Variants in RNF130 observed in about 807,000 individuals in gnomAD.
RNF130 encodes the protein E3 ubiquitin-protein ligase RNF130.
Under a neutral mutation model 44.6 loss-of-function variants are expected in RNF130, and 21 were observed. The observed-to-expected ratio is 0.47, with a 90% CI of 0.33 to 0.68. The LOEUF is 0.68. RNF130 is among the 30% of genes least tolerant of loss of function. The pLI, the probability that RNF130 is intolerant of heterozygous loss-of-function variation, is 0.02. For synonymous variants in RNF130, 214 were observed against 210.4 expected, an observed-to-expected ratio of 1.02 and a Z score of -0.15; for missense variants, 479 against 560.6, an observed-to-expected ratio of 0.85 and a Z score of 1.47.
intron 7 of RNF130, among the ~76,000 whole-genome samples, chr5:179,965,387 T>A (rs907655994): frequency 6.6e-6 from 1 of 152,196 alleles, no homozygotes; most frequent in Non-Finnish European, 1.5e-5. Flanking sequence ...CACGTGGGTT[T>A]TATTTATTAA....
intron 2 of RNF130, among the ~76,000 whole-genome samples, chr5:180,028,769 T>G (rs1764052911): frequency 1.3e-5 from 2 of 152,340 alleles, no homozygotes; most frequent in South Asian, 4.1e-4. Context: ...AATCGATACC[T>G]GTTGATTAAC....
intron 7 of RNF130, among the ~76,000 whole-genome samples, chr5:179,936,529 A>C (rs1761893433): frequency 6.6e-6 from 1 of 152,116 alleles, no homozygotes; most frequent in South Asian, 2.1e-4. Flanking sequence ...ACACCTAGCC[A>C]ACTTTATTTT....
chr5:179,920,163 G>C, exon 8 of RNF130: 3 of 562,668 alleles, frequency 5.3e-6, no homozygotes, highest in Non-Finnish European at 9.6e-6. Context: ...CACCTTGGGG[G>C]AACTTTGCAA....
intron 3 of RNF130, among the ~76,000 whole-genome samples, chr5:179,993,463 T>C (rs1353004629): frequency 2.0e-5 from 3 of 152,264 alleles, no homozygotes; most frequent in Non-Finnish European, 4.4e-5. Context: ...TTTGCATTTC[T>C]CTGATGGCCA....
At chr5:180,039,994 CAG>C (rs1400530886) in intron 2 of RNF130, among the ~76,000 whole-genome samples, 1 of 152,184 alleles carries the variant, frequency 6.6e-6, no homozygotes, top group African/African-American at 2.4e-5. Context: ...ATTAAACAAT[CAG>C]AAATATCCTA....
chr5:180,021,208 T>A (rs1363043951), intron 2 of RNF130, among the ~76,000 whole-genome samples: 1 of 152,112 alleles, frequency 6.6e-6, no homozygotes, highest in Non-Finnish European at 1.5e-5. Context: ...TAGGATGGTC[T>A]TGATCACCTG....
intron 2 of RNF130, among the ~76,000 whole-genome samples, chr5:180,019,383 C>CA (rs56691249): frequency 0.14 from 15,330 of 111,636 alleles, 1,765 homozygotes; most frequent in African/African-American, 0.34. Flanking sequence ...GACTCTGTCT[C>CA]AAAAAAAAAA....
chr5:179,924,744 G>T (rs1325450286), intron 7 of RNF130, among the ~76,000 whole-genome samples: 1 of 152,130 alleles, frequency 6.6e-6, no homozygotes, highest in African/African-American at 2.4e-5. Context: ...AGCCAAGATG[G>T]TGCCACTGCA....
chr5:179,917,340 A>ACAG (rs1761566292), exon 8 of RNF130: 1 of 152,406 alleles, frequency 6.6e-6, no homozygotes, highest in Non-Finnish European at 1.5e-5. Context: ...GGCCCAGCTC[A>ACAG]CAGCAGTCCA....
intron 3 of RNF130, among the ~76,000 whole-genome samples, chr5:180,006,570 T>A (rs904442596): frequency 6.6e-6 from 1 of 152,214 alleles, no homozygotes; most frequent in African/African-American, 2.4e-5. Context: ...AAAAAGCACA[T>A]GCATTTTCAC....
In RNF130 at chr5:179,935,998, CAT is replaced by C. The variant is rs879385916; in HGVS notation, c.1151-15574_1151-15573del. ...CATCGAGCAGCACTTAGGTTACCCA[CAT>C]GTGTCTCCTTTCTGCTCTTTACTCT... On this transcript the variant is annotated intron_variant, in intron 7 of 7. Transcript: ENST00000522208. Among the ~76,000 whole-genome samples, 25 of 152,234 alleles carry C rather than the reference CAT, an allele frequency of 1.6e-4. 1 individual carries two copies. The highest frequency in any genetic ancestry group is 1.4e-3 in the Admixed American group (21 of 15,280).
intron 7 of RNF130, chr5:179,964,269 C>G (rs1281816815): frequency 6.6e-6 from 1 of 152,274 alleles, no homozygotes; most frequent in South Asian, 2.1e-4. Flanking sequence ...AGCTGAAAAC[C>G]TCTGGTGCTT....
intron 3 of RNF130, among the ~76,000 whole-genome samples, chr5:179,985,304 TATA>T (rs565639988): frequency 1.8e-4 from 28 of 152,258 alleles, no homozygotes; most frequent in African/African-American, 5.1e-4. Flanking sequence ...TGGCATTTCC[TATA>T]ATAATAATGA....
chr5:180,014,001 T>C (rs1179483878), intron 2 of RNF130, among the ~76,000 whole-genome samples: 1 of 152,216 alleles, frequency 6.6e-6, no homozygotes, highest in East Asian at 1.9e-4. Context: ...GGCTCCTTGC[T>C]AGTTTACCCC....
intron 3 of RNF130, among the ~76,000 whole-genome samples, chr5:179,985,871 G>T (rs1174915338): frequency 6.6e-6 from 1 of 152,060 alleles, no homozygotes; most frequent in South Asian, 2.1e-4. Flanking sequence ...TTAAAAATCC[G>T]TTCACAAAAA....
At position 180,009,955 on chromosome 5, in the gene RNF130, G is replaced by A. The variant is rs552275796; in HGVS notation, c.693+3106C>T. On this transcript the variant is annotated intron_variant, in intron 3 of 8. Transcript: ENST00000521389. ...AAATGACTGATACACATAACAACTT[G>A]AAAGTATCTTGGCCGGGCGCAGTGG... Among the ~76,000 whole-genome samples, 106 of 151,940 alleles carry A rather than the reference G, an allele frequency of 7.0e-4. 1 individual carries two copies. Among genetic ancestry groups the A allele is most frequent in the African/African-American group, 2.3e-3 (97 of 41,446 alleles).
intron 1 of RNF130, among the ~76,000 whole-genome samples, chr5:180,062,377 A>G (rs748187621): frequency 9.9e-5 from 15 of 151,936 alleles, no homozygotes; most frequent in Non-Finnish European, 1.6e-4. Flanking sequence ...CCTCTTTTAT[A>G]AGGGCACTAA....
intron 3 of RNF130, among the ~76,000 whole-genome samples, chr5:179,989,688 T>A (rs1763035262): frequency 6.6e-6 from 1 of 152,206 alleles, no homozygotes; most frequent in Non-Finnish European, 1.5e-5. Flanking sequence ...AGTCAGGCTG[T>A]ATCTTTTAAG....
intron 1 of RNF130, among the ~76,000 whole-genome samples, chr5:180,046,716 G>A (rs1369387485): frequency 2.0e-5 from 3 of 152,166 alleles, no homozygotes; most frequent in Non-Finnish European, 4.4e-5. Flanking sequence ...TGAGCCTCAG[G>A]ATTCTGCCAA....
Sources: allele counts gnomAD v4.1 joint callset (sites outside exome capture counted in the v4.1 genomes callset), GRCh38; gene constraint gnomAD v4.1.1; transcripts MANE v1.5; gene names NCBI Gene and HGNC (gene_info 2026-07-23, HGNC 2026-07-21).